Variants in SLC45A4 observed in about 807,000 individuals in gnomAD.
SLC45A4 encodes the protein solute carrier family 45 member 4, also known as polyamine-transporter SLC45A4.
A neutral mutation model predicts 63.7 loss-of-function variants in SLC45A4; 32 were observed. That is an observed-to-expected ratio of 0.50 (90% confidence interval 0.38 to 0.67). The LOEUF is 0.67. Among genes scored for constraint, SLC45A4 ranks in the 30% least tolerant of loss-of-function variants. The pLI, the probability that SLC45A4 is intolerant of heterozygous loss-of-function variation, is 0.00. For missense variants in SLC45A4, 1,027 were observed against 1,157.7 expected, an observed-to-expected ratio of 0.89 and a Z score of 1.64; for synonymous variants, 535 against 510.0, an observed-to-expected ratio of 1.05 and a Z score of -0.66.
At position 141,254,708 on chromosome 8, in the gene SLC45A4, C is replaced by T. The variant is rs549464502; in HGVS notation, c.-400-79G>A. 2.2e-4 allele frequency: 155 copies of T among 690,360 alleles called. No individual in the cohort carries two copies. Among genetic ancestry groups the T allele is most frequent in the East Asian group, 8.7e-4 (32 of 36,588 alleles). The allele number at this position is 690,360 out of a possible 1,614,324, so 42.8% of individuals were successfully genotyped here. ...GCCCTGTGGACCGCCGCCCGACCCC[C>T]GAGCAAGCCGTGTGCCCCGAGGGCC... On this transcript the variant is annotated intron_variant, in intron 1 of 8. Transcript: ENST00000517878. The surrounding 1 kb of genome is among the most constrained non-coding windows in gnomAD (Gnocchi z 4.5).
At chr8:141,232,378 T>G (rs1223060290) in intron 2 of SLC45A4, among the ~76,000 whole-genome samples, 1 of 152,248 alleles carries the variant, frequency 6.6e-6, no homozygotes. Context: ...GAAATCCAGC[T>G]GCCACCCTTA....
chr8:141,245,754 C>T (rs557649668), intron 2 of SLC45A4, among the ~76,000 whole-genome samples: 53 of 152,292 alleles, frequency 3.5e-4, no homozygotes, highest in African/African-American at 1.2e-3. Context: ...GAGGGGCCTC[C>T]CAGGGGCAGC....
chr8:141,272,004 G>T (rs938259053), intron 1 of SLC45A4, among the ~76,000 whole-genome samples: 1 of 151,796 alleles, frequency 6.6e-6, no homozygotes, highest in Non-Finnish European at 1.5e-5. Context: ...ACGTGTGCAT[G>T]CAACACACAC....
chr8:141,297,096 T>G (rs1183479625), intron 1 of SLC45A4, among the ~76,000 whole-genome samples: 3 of 152,210 alleles, frequency 2.0e-5, no homozygotes, highest in African/African-American at 7.2e-5. Flanking sequence ...TTTGCCACAC[T>G]GAACCAGAAA....
intron 1 of SLC45A4, among the ~76,000 whole-genome samples, chr8:141,283,254 G>T (rs1589849957): frequency 6.6e-6 from 1 of 152,190 alleles, no homozygotes; most frequent in Non-Finnish European, 1.5e-5. Flanking sequence ...GACACCTCAA[G>T]AACACTGCAG....
intron 1 of SLC45A4, among the ~76,000 whole-genome samples, chr8:141,287,820 C>T (rs1280355274): frequency 6.6e-6 from 1 of 152,172 alleles, no homozygotes; most frequent in African/African-American, 2.4e-5. Context: ...GGAGACGGCT[C>T]TCAGACCTCC....
At position 141,218,143 on chromosome 8, in the gene SLC45A4, G is replaced by A. The variant is rs1826292418; in HGVS notation, c.1497C>T (p.Leu499=). Residue 499 remains leucine, a synonymous_variant, in exon 5 of 9, where the codon CTC becomes CTT. Transcript: ENST00000517878. ...GCTCCCTGGGCATCTTCAGCATGGA[G>A]AGCCACAGCAGGCGCACCGTGGTCT... The part of the protein sequence containing the change: ...EGETTVRLLW[L]SMLKMPRELM... The A allele has an allele frequency of 6.2e-7, 1 of 1,610,802 alleles. No homozygotes were observed. The highest frequency in any genetic ancestry group is 1.7e-5 in the Admixed American group (1 of 60,008).
intron 1 of SLC45A4, among the ~76,000 whole-genome samples, chr8:141,282,366 G>C (rs1248694428): frequency 6.6e-6 from 1 of 152,210 alleles, no homozygotes; most frequent in Non-Finnish European, 1.5e-5. Flanking sequence ...CTCTGAACGA[G>C]CCTGAAGAAG....
chr8:141,257,495 C>T (rs1412975344), intron 1 of SLC45A4, among the ~76,000 whole-genome samples: 1 of 152,342 alleles, frequency 6.6e-6, no homozygotes, highest in African/African-American at 2.4e-5. Flanking sequence ...AAACATCAGA[C>T]CCTTCATGCC....
In SLC45A4 at chr8:141,212,521, C is replaced by A. The variant is rs760498596; in HGVS notation, c.1977G>T (p.Gly659=). The A allele has an allele frequency of 6.2e-7, 1 of 1,610,710 alleles. No homozygotes were observed. Among genetic ancestry groups the A allele is most frequent in the East Asian group, 2.2e-5 (1 of 44,780 alleles). Residue 659 remains glycine (G), a synonymous_variant, in exon 8 of 9, where the codon GGG becomes GGT. Coordinates refer to ENST00000517878, the MANE Select transcript of SLC45A4 (RefSeq NM_001286646.2). ...IHHSPGNSKR[G]FGIDCAILSC... is the part of the protein sequence containing the mutation. ...ACAGGATGGCACAATCTATGCCAAA[C>A]CCTCGCTTGGAGTTCCCGGGGCTGT...
intron 2 of SLC45A4, among the ~76,000 whole-genome samples, chr8:141,235,378 C>T (rs910466917): frequency 2.0e-5 from 3 of 152,122 alleles, no homozygotes; most frequent in East Asian, 1.9e-4. Flanking sequence ...AGTGCACTTC[C>T]GGTGTGGCTG....
chr8:141,232,136 A>G (rs1827386796), intron 2 of SLC45A4, among the ~76,000 whole-genome samples: 1 of 151,278 alleles, frequency 6.6e-6, no homozygotes, highest in African/African-American at 2.5e-5. Flanking sequence ...CCAATGGATT[A>G]TATCATCTGC....
chr8:141,296,520 T>A (rs11782330), intron 1 of SLC45A4, among the ~76,000 whole-genome samples: 7 of 60,350 alleles, frequency 1.2e-4, no homozygotes, highest in Non-Finnish European at 1.8e-4. Context: ...AAAAAAAAAA[T>A]TAAAATTAAA....
chr8:141,219,915 T>C, intron 3 of SLC45A4, 86 bp from the exon 4 acceptor site: 1 of 1,315,392 alleles, frequency 7.6e-7, no homozygotes, highest in East Asian at 2.7e-5. Context: ...GGAAGGGGCA[T>C]GCGGAGGGGG....
intron 1 of SLC45A4, among the ~76,000 whole-genome samples, chr8:141,291,337 G>A (rs1031761586): frequency 6.6e-6 from 1 of 152,134 alleles, no homozygotes; most frequent in South Asian, 2.1e-4. Flanking sequence ...ACACACACGC[G>A]TTCATCTAAC....
At chr8:141,214,178 C>G (rs981032174) in intron 7 of SLC45A4, among the ~76,000 whole-genome samples, 6 of 141,576 alleles carry the variant, frequency 4.2e-5, no homozygotes, top group Non-Finnish European at 7.5e-5. Context: ...GGCGACAGAT[C>G]GAGACTCTGT....
rs1012755599 is a variant in SLC45A4, at chr8:141,278,866, G to C, written c.-400-24237C>G. On this transcript the variant is annotated intron_variant, in intron 1 of 8. Coordinates refer to ENST00000517878, the MANE Select transcript of SLC45A4 (RefSeq NM_001286646.2). This position sits in a 1 kb window ranked among gnomAD's most constrained non-coding sequence, Gnocchi z 4.1. ...CCGGGCTCTGTCCCTACTGCCCCCA[G>C]GCACATTTCACTGCCAGGCTGCTGG... is the stretch of plus-strand genomic sequence containing the variant. Among the ~76,000 whole-genome samples the C allele has an allele frequency of 6.6e-6, 1 of 152,198 alleles. No homozygotes were observed. Among genetic ancestry groups the C allele is most frequent in the Non-Finnish European group, 1.5e-5 (1 of 68,030 alleles).
At position 141,235,557 on chromosome 8, in the gene SLC45A4, A is replaced by G. The variant is rs539037446; in HGVS notation, c.242-13792T>C. ...AATTATCCGAAGAAAGCACAAAGCCACAGGGAGCCAGGCTGGCCTTGGGCT... is the reference window on the plus strand; with the variant it reads ...AATTATCCGAAGAAAGCACAAAGCCGCAGGGAGCCAGGCTGGCCTTGGGCT... On this transcript the variant is annotated intron_variant, in intron 2 of 8. Coordinates refer to ENST00000517878, the MANE Select transcript of SLC45A4 (RefSeq NM_001286646.2). Among the ~76,000 whole-genome samples the G allele has an allele frequency of 3.0e-3, 453 of 152,344 alleles. 5 individuals carry two copies. The highest frequency in any genetic ancestry group is 0.01 in the African/African-American group (425 of 41,576).
chr8:141,225,112 G>A (rs1826891824), intron 2 of SLC45A4: 1 of 152,132 alleles, frequency 6.6e-6, no homozygotes, highest in Non-Finnish European at 1.5e-5. Context: ...TCTGACCAGT[G>A]CGACACGCGA....
Sources: gnomAD v4.1 joint callset for allele counts (sites outside exome capture counted in the v4.1 genomes callset) on GRCh38, gnomAD v4.1.1 for gene constraint, Gnocchi (gnomAD v3.1) non-coding constraint, MANE v1.5 for transcripts, NCBI Gene and HGNC (gene_info 2026-07-23, HGNC 2026-07-21) for gene names.